The following PABPC4L variants were observed in gnomAD, a reference collection of about 807,000 sequenced individuals.
PABPC4L encodes the protein polyadenylate-binding protein 4-like.
For synonymous variants in PABPC4L, 169 were observed against 164.1 expected, an observed-to-expected ratio of 1.03 and a Z score of -0.23; for missense variants, 452 against 451.4, an observed-to-expected ratio of 1.00 and a Z score of -0.01.
At chr4:134,065,692 A>C in the PABPC4L span, among the ~76,000 whole-genome samples, 5 of 151,728 alleles carry the variant, frequency 3.3e-5, no homozygotes, top group Non-Finnish European at 5.9e-5. Flanking sequence ...AATCTTTGTC[A>C]CATTCTATGA....
At chr4:134,014,060 C>T in the PABPC4L span, among the ~76,000 whole-genome samples, 4 of 152,122 alleles carry the variant, frequency 2.6e-5, no homozygotes, top group African/African-American at 7.2e-5. Flanking sequence ...GGCTCTTTTT[C>T]ATCAAACATA....
the PABPC4L span, among the ~76,000 whole-genome samples, chr4:134,024,035 C>G: frequency 6.6e-6 from 1 of 152,074 alleles, no homozygotes; most frequent in African/African-American, 2.4e-5. Context: ...GAAAAGGAAT[C>G]TGATTCATGT....
At chr4:134,044,039 C>A in the PABPC4L span, among the ~76,000 whole-genome samples, 1 of 151,678 alleles carries the variant, frequency 6.6e-6, no homozygotes, top group Admixed American at 6.6e-5. Flanking sequence ...TGCAGGGGCA[C>A]GATGGTGACT....
the PABPC4L span, among the ~76,000 whole-genome samples, chr4:134,143,955 T>A: frequency 3.3e-5 from 5 of 151,482 alleles, no homozygotes; most frequent in Admixed American, 1.3e-4. Flanking sequence ...TGAAATGTTC[T>A]AAAAGAAATG....
the PABPC4L span, among the ~76,000 whole-genome samples, chr4:134,127,649 A>G: frequency 6.6e-6 from 1 of 152,158 alleles, no homozygotes; most frequent in Non-Finnish European, 1.5e-5. Flanking sequence ...GATTCTGAAC[A>G]GCAGTCCTTG....
chr4:134,183,529 T>G, the PABPC4L span, among the ~76,000 whole-genome samples: 1 of 150,360 alleles, frequency 6.7e-6, no homozygotes, highest in Non-Finnish European at 1.5e-5. Flanking sequence ...ATTACCTGGG[T>G]GACAAAATAA....
the PABPC4L span, among the ~76,000 whole-genome samples, chr4:134,042,239 C>T: frequency 1.3e-5 from 2 of 151,984 alleles, no homozygotes; most frequent in African/African-American, 4.8e-5. Flanking sequence ...GGGAGCTAAG[C>T]TATGGGTATG....
At chr4:134,087,791 C>T in the PABPC4L span, among the ~76,000 whole-genome samples, 13 of 152,242 alleles carry the variant, frequency 8.5e-5, no homozygotes, top group Non-Finnish European at 1.8e-4. Flanking sequence ...ATTTATCTCC[C>T]TTCTTCCTTC....
At chr4:134,176,551 C>G in the PABPC4L span, among the ~76,000 whole-genome samples, 2 of 151,988 alleles carry the variant, frequency 1.3e-5, no homozygotes, top group African/African-American at 4.8e-5. Flanking sequence ...TAGGGTGAGG[C>G]CAAGATGGCA....
At chr4:134,177,336 C>T in the PABPC4L span, among the ~76,000 whole-genome samples, 595 of 151,982 alleles carry the variant, frequency 3.9e-3, 2 homozygotes, top group African/African-American at 0.013. Context: ...CCACCATGCC[C>T]AACTAATTTT....
the PABPC4L span, among the ~76,000 whole-genome samples, chr4:134,153,240 C>T: frequency 3.9e-5 from 6 of 152,000 alleles, no homozygotes; most frequent in South Asian, 2.1e-4. Context: ...AGGTATTAAT[C>T]GCAATATAAA....
the PABPC4L span, among the ~76,000 whole-genome samples, chr4:134,019,200 A>G: frequency 6.6e-6 from 1 of 152,152 alleles, no homozygotes; most frequent in Admixed American, 6.6e-5. Flanking sequence ...AGCCTAACTC[A>G]TAATTTCAAT....
the PABPC4L span, among the ~76,000 whole-genome samples, chr4:134,144,503 T>C: frequency 6.6e-6 from 1 of 150,972 alleles, no homozygotes; most frequent in Non-Finnish European, 1.5e-5. Context: ...AATTAAATTG[T>C]CATCCGACTG....
At chr4:134,061,618 C>CAGAG in the PABPC4L span, among the ~76,000 whole-genome samples, 1 of 95,970 alleles carries the variant, frequency 1.0e-5, no homozygotes, top group African/African-American at 4.5e-5. Context: ...CACAAACATA[C>CAGAG]ACAGAGAGAG....
the PABPC4L span, among the ~76,000 whole-genome samples, chr4:133,986,183 C>A: frequency 1.3e-5 from 2 of 152,092 alleles, no homozygotes; most frequent in East Asian, 3.9e-4. Flanking sequence ...CTTAAGGTAG[C>A]AGGTATTAAA....
chr4:133,997,637 G>A, the PABPC4L span, among the ~76,000 whole-genome samples: 1 of 152,110 alleles, frequency 6.6e-6, no homozygotes, highest in East Asian at 1.9e-4. Flanking sequence ...CATGGGAGGA[G>A]ATCAACATAA....
At chr4:134,003,400 A>T in the PABPC4L span, among the ~76,000 whole-genome samples, 4 of 151,862 alleles carry the variant, frequency 2.6e-5, no homozygotes, top group African/African-American at 9.6e-5. Context: ...TCTGTTTATG[A>T]TCTATTATCC....
At chr4:134,119,390 T>A in the PABPC4L span, among the ~76,000 whole-genome samples, 1 of 151,764 alleles carries the variant, frequency 6.6e-6, no homozygotes, top group Non-Finnish European at 1.5e-5. Flanking sequence ...ACCTTATACA[T>A]TGGCCTCATA....
At chr4:133,961,774 C>T in the PABPC4L span, among the ~76,000 whole-genome samples, 20 of 152,274 alleles carry the variant, frequency 1.3e-4, no homozygotes, top group East Asian at 9.7e-4. Context: ...CCTCCAGATA[C>T]GGCAGGGTGT....
Sources: allele counts gnomAD v4.1 joint callset (sites outside exome capture counted in the v4.1 genomes callset), GRCh38; gene constraint gnomAD v4.1.1; transcripts MANE v1.5; gene names NCBI Gene and HGNC (gene_info 2026-07-23, HGNC 2026-07-21).